Variants in SLC2A7 observed in about 807,000 individuals in gnomAD.
SLC2A7 encodes solute carrier family 2 member 7.
A neutral mutation model predicts 50.5 loss-of-function variants in SLC2A7; 50 were observed. The ratio of observed to expected loss-of-function variants is 0.99; its 90% CI spans 0.79 to 1.25. SLC2A7 has a LOEUF of 1.25. SLC2A7 is among the 50% of genes most tolerant of loss of function. SLC2A7 has a pLI of 0.00. For synonymous variants in SLC2A7, 308 were observed against 300.4 expected (o/e 1.03, Z -0.26); for missense variants, 683 against 679.1 (o/e 1.01, Z -0.06).
rs1640602037 is a variant in SLC2A7, at chr1:9,003,298, C to T, written c.*2G>A. ...TGGGCTCCCGTCCTTCATGCAGGGC[C>T]ACTAAAAGGAAGTTTCCTTGGCAGG... On this transcript the variant is annotated 3_prime_UTR_variant, in exon 12 of 12. Transcript: ENST00000400906. 12 of 1,613,970 alleles carry T rather than the reference C, an allele frequency of 7.4e-6. No homozygotes were observed. Among genetic ancestry groups the T allele is most frequent in the Non-Finnish European group, 1.0e-5 (12 of 1,179,976 alleles).
At chr1:9,015,890 AT>A (rs61401297) in intron 5 of SLC2A7, among the ~76,000 whole-genome samples, 62,545 of 146,850 alleles carry the variant, frequency 0.43, 13,424 homozygotes, top group East Asian at 0.56. Context: ...CACCTGGCTC[AT>A]TTTTTTTTTT....
At position 9,008,602 on chromosome 1, in the gene SLC2A7, G is replaced by GT. The variant is rs1557647245; in HGVS notation, c.1117-1218_1117-1217insA. ...AAAGGTTCTGCTAAGAACTTATATT[G>GT]GTTTTTTTTTTTTTTAGACAGAATC... is the stretch of plus-strand genomic sequence containing the variant. On this transcript the variant is annotated intron_variant, in intron 9 of 11. Transcript: ENST00000400906. This position sits in a 1 kb window ranked among gnomAD's most constrained non-coding sequence, Gnocchi z 5.9. 5.6e-4 allele frequency among the ~76,000 whole-genome samples: 9 copies of GT among 16,048 alleles called. No homozygotes were observed. The highest frequency in any genetic ancestry group is 2.0e-3 in the East Asian group (1 of 504). 10.5% of individuals were successfully genotyped at this position (16,048 alleles called of 152,430 possible).
At chr1:9,022,346 G>A (rs1352763140) in intron 3 of SLC2A7, among the ~76,000 whole-genome samples, 2 of 152,184 alleles carry the variant, frequency 1.3e-5, no homozygotes, top group Non-Finnish European at 2.9e-5. Flanking sequence ...TTCCTTATCT[G>A]TGGAGTCACG....
At position 9,026,398 on chromosome 1, in the gene SLC2A7, C is replaced by T; in HGVS notation, c.-53G>A. 6.6e-7 allele frequency: 1 copy of T among 1,525,768 alleles called. No individual in the cohort carries two copies. The highest frequency in any genetic ancestry group is 1.2e-5 in the South Asian group (1 of 80,954). 94.5% of individuals were successfully genotyped at this position (1,525,768 alleles called of 1,614,324 possible). On this transcript the variant is annotated 5_prime_UTR_variant, in exon 1 of 12. Coordinates refer to ENST00000400906, the MANE Select transcript of SLC2A7 (RefSeq NM_207420.3). The stretch of plus-strand genomic sequence containing the variant: ...CTCTACCTCCCAAGTGACACCTGCT[C>T]TGCGCCAGCCACCTAAAGACCGGCT...
At chr1:9,024,187 G>A (rs1169065376) in intron 2 of SLC2A7, among the ~76,000 whole-genome samples, 1 of 152,092 alleles carries the variant, frequency 6.6e-6, no homozygotes, top group Non-Finnish European at 1.5e-5. Context: ...TACTAATTGT[G>A]TGACTTCAGG....
In SLC2A7 at chr1:9,025,043, A is replaced by T; in HGVS notation, c.83T>A (p.Leu28Gln). The stretch of plus-strand genomic sequence containing the variant: ...GAAGGCTGAGCCAAAGGCCGCGCTC[A>T]GTGTCGCCAGCAACAGCGTCGGCTG... ...RLQPTLLLATLSAAFGSAFQY... is the reference protein window; with the variant it reads ...RLQPTLLLATQSAAFGSAFQY... The change falls in exon 2 of 12, where the codon CTG becomes CAG. Residue 28 changes from leucine (L) to glutamine (Q), a missense_variant. Coordinates refer to ENST00000400906, the MANE Select transcript of SLC2A7 (RefSeq NM_207420.3). 1 of 1,613,822 alleles carries T rather than the reference A, an allele frequency of 6.2e-7. No individual in the cohort carries two copies. Among genetic ancestry groups the T allele is most frequent in the Non-Finnish European group, 8.5e-7 (1 of 1,179,994 alleles).
rs140143662 is a variant in SLC2A7 at position 9,008,410 on chromosome 1, G to A, written c.1117-1025C>T. Among the ~76,000 whole-genome samples the A allele has an allele frequency of 7.7e-3, 1,175 of 152,274 alleles. 9 individuals are homozygous for A. Among genetic ancestry groups the A allele is most frequent in the African/African-American group, 0.01 (423 of 41,558 alleles). On this transcript the variant is annotated intron_variant, in intron 9 of 11. Coordinates refer to ENST00000400906, the MANE Select transcript of SLC2A7 (RefSeq NM_207420.3). The surrounding 1 kb of genome is among the most constrained non-coding windows in gnomAD (Gnocchi z 5.9). ...GGGTTGGTGGGGCCGCCCTGGACCC[G>A]GTGTGAAGCGAGCAGCTGCTGCTGC...
rs185846495 is a variant in SLC2A7 at position 9,008,888 on chromosome 1, G to A, written c.1116+1255C>T. Among the ~76,000 whole-genome samples, 17 of 152,180 alleles carry A rather than the reference G, an allele frequency of 1.1e-4. No homozygotes were observed. The highest frequency in any genetic ancestry group is 5.9e-4 in the Admixed American group (9 of 15,274). On this transcript the variant is annotated intron_variant, in intron 9 of 11. Transcript: ENST00000400906. This position sits in a 1 kb window ranked among gnomAD's most constrained non-coding sequence, Gnocchi z 5.9. The stretch of plus-strand genomic sequence containing the variant: ...TGGGATTACAGGTGTGAGCCACTGC[G>A]TCTGGCTGAGAACTTATACTGGTTT...
chr1:9,019,059 G>A, intron 4 of SLC2A7, 150 bp downstream of exon 4: 1 of 979,118 alleles, frequency 1.0e-6, no homozygotes, highest in East Asian at 2.8e-5. Context: ...AAACAAGCAT[G>A]AGGCTTGCAA....
intron 10 of SLC2A7, among the ~76,000 whole-genome samples, chr1:9,006,140 G>A (rs908407657): frequency 2.0e-5 from 3 of 152,198 alleles, no homozygotes; most frequent in African/African-American, 7.2e-5. Context: ...ACAGGCAGTG[G>A]GGGCAGAACG....
chr1:8,996,230 T>C, the SLC2A7 span, among the ~76,000 whole-genome samples: 1 of 152,090 alleles, frequency 6.6e-6, no homozygotes, highest in Non-Finnish European at 1.5e-5. Context: ...TTACTGAAGA[T>C]TAGTTTGCAT....
chr1:9,025,009 G>A lies in SLC2A7; in HGVS notation c.117C>T (p.Gly39=), dbSNP rs1269431344. The change falls in exon 2 of 12, where the codon GGC becomes GGT. Residue 39 remains glycine (G), a synonymous_variant. Transcript: ENST00000400906. ...GCGTGTTGACCACAGAGAGGTTGTAGCCGTACTGGAAGGCTGAGCCAAAGG... is the reference window on the plus strand; with the variant it reads ...GCGTGTTGACCACAGAGAGGTTGTAACCGTACTGGAAGGCTGAGCCAAAGG... ...SAAFGSAFQY[G]YNLSVVNTPH... is the part of the protein sequence containing the mutation. 1 of 1,613,666 alleles carries A rather than the reference G, an allele frequency of 6.2e-7. No individual in the cohort carries two copies. Among genetic ancestry groups the A allele is most frequent in the Admixed American group, 1.7e-5 (1 of 60,022 alleles).
At position 9,023,187 on chromosome 1, in the gene SLC2A7, C is replaced by T. The variant is rs1007022904; in HGVS notation, c.151-109G>A. The T allele has an allele frequency of 5.0e-5, 58 of 1,171,386 alleles. 2 individuals are homozygous for T. The South Asian group carries it at 8.6e-4, about 17-fold the overall frequency. The allele number at this position is 1,171,386 out of a possible 1,614,324, so 72.6% of individuals were successfully genotyped here. A position where few individuals can be genotyped will look rare whatever the true frequency, so the allele number is the denominator to read the frequency against. On this transcript the variant is annotated intron_variant, in intron 2 of 11. Transcript: ENST00000400906. ...TTGTACAGAGAGGTTTTTCTGCTAA[C>T]ACCTATAAGACACAGTTAAACCCAC...
chr1:9,019,090 G>C, intron 4 of SLC2A7, 119 bp downstream of exon 4: 3 of 1,357,082 alleles, frequency 2.2e-6, no homozygotes, highest in Non-Finnish European at 3.0e-6. Flanking sequence ...ATGCAGATGG[G>C]AGGACGTCTT....
At chr1:8,994,691 G>C in the SLC2A7 span, among the ~76,000 whole-genome samples, 1 of 152,106 alleles carries the variant, frequency 6.6e-6, no homozygotes, top group African/African-American at 2.4e-5. Flanking sequence ...AGACATTTAG[G>C]GACTGGTTTA....
At chr1:9,021,072 C>T (rs182758374) in intron 3 of SLC2A7, among the ~76,000 whole-genome samples, 5 of 152,248 alleles carry the variant, frequency 3.3e-5, no homozygotes, top group East Asian at 3.9e-4. Context: ...TTATCAGCAG[C>T]GTGAAAATGG....
chr1:9,018,676 T>G (rs527532982), intron 4 of SLC2A7, among the ~76,000 whole-genome samples: 1 of 152,350 alleles, frequency 6.6e-6, no homozygotes, highest in South Asian at 2.1e-4. Context: ...GACTTAACGA[T>G]AAAACTTTTG....
chr1:9,013,510 C>T lies in SLC2A7; in HGVS notation c.1014+15G>A. 6.2e-7 allele frequency: 1 copy of T among 1,605,372 alleles called. No individual in the cohort carries two copies. The highest frequency in any genetic ancestry group is 8.5e-7 in the Non-Finnish European group (1 of 1,173,420). On this transcript the variant is annotated intron_variant, in intron 8 of 11. Coordinates refer to ENST00000400906, the MANE Select transcript of SLC2A7 (RefSeq NM_207420.3). Reference sequence around the variant, plus strand: ...AGAGACCCTCCAGCAGGAAGGATGCCTCCTGCTCACTCACCGAGGTGATGG... The same window carrying T: ...AGAGACCCTCCAGCAGGAAGGATGCTTCCTGCTCACTCACCGAGGTGATGG...
intron 8 of SLC2A7, 132 bp from the exon 9 acceptor site, chr1:9,010,376 T>C: frequency 1.4e-6 from 1 of 715,458 alleles, no homozygotes; most frequent in Non-Finnish European, 2.3e-6. Context: ...TCTTTTTTTT[T>C]AAACGGAGTT....
Sources: allele counts gnomAD v4.1 joint callset (sites outside exome capture counted in the v4.1 genomes callset), GRCh38; gene constraint gnomAD v4.1.1; non-coding constraint Gnocchi (gnomAD v3.1); transcripts MANE v1.5; gene names NCBI Gene and HGNC (gene_info 2026-07-23, HGNC 2026-07-21).